The following VPS13B variants were observed in gnomAD, a reference collection of about 807,000 sequenced individuals.
The protein encoded by VPS13B is intermembrane lipid transfer protein VPS13B.
VPS13B carries 285 observed loss-of-function variants against 426.4 expected under a neutral mutation model. The observed-to-expected ratio is 0.67, with a 90% CI of 0.61 to 0.74. VPS13B has a LOEUF of 0.74. Among genes scored for constraint, VPS13B ranks in the 30% least tolerant of loss-of-function variants. VPS13B has a pLI of 0.00. For missense variants in VPS13B, 4,537 were observed against 4,782.6 expected, an observed-to-expected ratio of 0.95 and a Z score of 1.51; for synonymous variants, 1,676 against 1,676.4, an observed-to-expected ratio of 1.00 and a Z score of 0.01.
intron 25 of VPS13B, among the ~76,000 whole-genome samples, chr8:99,494,327 A>G (rs1367503966): frequency 1.3e-5 from 2 of 152,104 alleles, no homozygotes; most frequent in Non-Finnish European, 2.9e-5. Flanking sequence ...AAATCTTCCA[A>G]TGTATGAACA....
chr8:99,192,397 A>G (rs1245915078), intron 16 of VPS13B, among the ~76,000 whole-genome samples: 1 of 152,208 alleles, frequency 6.6e-6, no homozygotes, highest in African/African-American at 2.4e-5. Flanking sequence ...TTTTAGTAGT[A>G]TGACATTTCA....
intron 15 of VPS13B, among the ~76,000 whole-genome samples, chr8:99,168,639 C>A (rs556482357): frequency 6.6e-6 from 1 of 152,062 alleles, no homozygotes; most frequent in South Asian, 2.1e-4. Flanking sequence ...ACTTTGCATA[C>A]ATTATTGCTC....
At chr8:99,349,149 C>T (rs1051272016) in intron 19 of VPS13B, among the ~76,000 whole-genome samples, 12 of 149,890 alleles carry the variant, frequency 8.0e-5, no homozygotes, top group African/African-American at 1.7e-4. Context: ...CCGGCTAAAA[C>T]GGTGAAACCC....
At chr8:99,249,316 G>A (rs1387158251) in intron 17 of VPS13B, among the ~76,000 whole-genome samples, 1 of 151,828 alleles carries the variant, frequency 6.6e-6, no homozygotes, top group South Asian at 2.1e-4. Flanking sequence ...TGGCTATTAC[G>A]ATAAAGCTGC....
At chr8:99,223,391 G>A (rs1815838816) in intron 17 of VPS13B, among the ~76,000 whole-genome samples, 1 of 152,130 alleles carries the variant, frequency 6.6e-6, no homozygotes, top group Non-Finnish European at 1.5e-5. Flanking sequence ...ACACACTCTT[G>A]TACATACTTG....
intron 30 of VPS13B, among the ~76,000 whole-genome samples, chr8:99,532,144 T>C (rs1822968202): frequency 6.6e-6 from 1 of 152,196 alleles, no homozygotes. Context: ...TGAATATTTC[T>C]GGGTTTTCTG....
intron 3 of VPS13B, among the ~76,000 whole-genome samples, chr8:99,084,416 T>A (rs1845655309): frequency 1.3e-5 from 2 of 152,092 alleles, no homozygotes; most frequent in Admixed American, 6.6e-5. Flanking sequence ...TCCTGGATTC[T>A]TTAATTTTTT....
chr8:99,582,877 G>A (rs534936655), intron 33 of VPS13B, among the ~76,000 whole-genome samples: 65 of 152,230 alleles, frequency 4.3e-4, no homozygotes, highest in Middle Eastern at 3.4e-3. Context: ...GGATGGTCTC[G>A]ATCTCCTGAC....
At chr8:99,640,068 A>AGAAGAAG (rs1326235168) in intron 33 of VPS13B, among the ~76,000 whole-genome samples, 24 of 136,268 alleles carry the variant, frequency 1.8e-4, no homozygotes, top group Admixed American at 1.0e-3. Context: ...AAAGAAAAGA[A>AGAAGAAG]AAGAAAAGAA....
intron 4 of VPS13B, among the ~76,000 whole-genome samples, chr8:99,096,867 G>T (rs1419251441): frequency 6.6e-6 from 1 of 151,978 alleles, no homozygotes; most frequent in African/African-American, 2.4e-5. Flanking sequence ...CATGACTTCA[G>T]AACAAATTGG....
chr8:99,067,957 C>T (rs1016088147), intron 3 of VPS13B, among the ~76,000 whole-genome samples: 1 of 152,172 alleles, frequency 6.6e-6, no homozygotes, highest in Admixed American at 6.5e-5. Context: ...TTTCCCATGA[C>T]ACTTTTAGAT....
chr8:99,178,610 A>G (rs1398562389), intron 16 of VPS13B, among the ~76,000 whole-genome samples: 2 of 151,530 alleles, frequency 1.3e-5, no homozygotes, highest in Non-Finnish European at 2.9e-5. Context: ...TCTTTTATTT[A>G]TTTTATTTTA....
intron 60 of VPS13B, chr8:99,871,099 G>A (rs969083159): frequency 2.1e-5 from 13 of 618,902 alleles, no homozygotes; most frequent in Admixed American, 8.1e-5. Flanking sequence ...CCTCTGTTCC[G>A]TACCTAACCA....
intron 31 of VPS13B, 97 bp from the exon 32 acceptor site, chr8:99,575,561 G>T: frequency 1.4e-6 from 2 of 1,454,736 alleles, no homozygotes. Flanking sequence ...ATGTAATTTT[G>T]CCATACATGT....
At chr8:99,454,832 G>T (rs1818370281) in intron 23 of VPS13B, among the ~76,000 whole-genome samples, 1 of 152,170 alleles carries the variant, frequency 6.6e-6, no homozygotes, top group Non-Finnish European at 1.5e-5. Flanking sequence ...TGATAGGTAT[G>T]TAGTGGTATC....
At position 99,111,240 on chromosome 8, in the gene VPS13B, A is replaced by C. The variant is rs778049327; in HGVS notation, c.723A>C (p.Thr241=). The C allele has an allele frequency of 6.2e-7, 1 of 1,603,274 alleles. No homozygotes were observed. The highest frequency in any genetic ancestry group is 8.5e-7 in the Non-Finnish European group (1 of 1,175,930). The part of the protein sequence containing the change: ...KCSFRTRLHF[T]YENLNSKMPS... ...CCTTCAGAACTCGTCTTCATTTTAC[A>C]TATGAAAACCTAAATTCCAAGATGC... The change falls in exon 6 of 62, where the codon ACA becomes ACC. Residue 241 remains threonine (T), a synonymous_variant. Transcript: ENST00000357162.
intron 43 of VPS13B, among the ~76,000 whole-genome samples, chr8:99,786,149 TAC>T (rs1243585910): frequency 6.6e-6 from 1 of 152,016 alleles, no homozygotes; most frequent in Non-Finnish European, 1.5e-5. Context: ...GCTATAGACA[TAC>T]AGTTTCTGGG....
At chr8:99,338,950 T>C (rs966076222) in intron 19 of VPS13B, among the ~76,000 whole-genome samples, 3 of 152,178 alleles carry the variant, frequency 2.0e-5, no homozygotes, top group Non-Finnish European at 4.4e-5. Context: ...ATAATGAGTA[T>C]CACAGATCAA....
chr8:99,156,035 C>A (rs1255232369), intron 14 of VPS13B, among the ~76,000 whole-genome samples: 1 of 152,124 alleles, frequency 6.6e-6, no homozygotes, highest in African/African-American at 2.4e-5. Flanking sequence ...ACTTTATGAG[C>A]CCTTAACATG....
Sources: allele counts gnomAD v4.1 joint callset (sites outside exome capture counted in the v4.1 genomes callset), GRCh38; gene constraint gnomAD v4.1.1; transcripts MANE v1.5; gene names NCBI Gene and HGNC (gene_info 2026-07-23, HGNC 2026-07-21).